The following CCDC3 variants were observed in gnomAD, a reference collection of about 807,000 sequenced individuals.
The protein encoded by CCDC3 is coiled-coil domain-containing protein 3.
Under a neutral mutation model 21.4 loss-of-function variants are expected in CCDC3, and 24 were observed. The ratio of observed to expected loss-of-function variants is 1.12; its 90% confidence interval spans 0.81 to 1.58. CCDC3 has a LOEUF of 1.58. Ranked by LOEUF, CCDC3 falls within the 40% of genes most tolerant of loss-of-function variation. CCDC3 has a pLI of 0.00. For missense variants in CCDC3, 425 were observed against 360.9 expected (o/e 1.18, Z -1.44); for synonymous variants, 186 against 166.0 (o/e 1.12, Z -0.93).
At chr10:13,097,807 G>T (rs1307389739) in intron 3 of CCDC3, among the ~76,000 whole-genome samples, 1 of 152,124 alleles carries the variant, frequency 6.6e-6, no homozygotes, top group Non-Finnish European at 1.5e-5. Flanking sequence ...TCAATAAATG[G>T]GATTTATATC....
intron 2 of CCDC3, among the ~76,000 whole-genome samples, chr10:12,923,487 C>A (rs1834485737): frequency 6.6e-6 from 1 of 152,152 alleles, no homozygotes; most frequent in African/African-American, 2.4e-5. Flanking sequence ...GCTACCTTCA[C>A]AAAGCCAGTC....
At chr10:12,939,240 G>C (rs1276383837) in intron 2 of CCDC3, among the ~76,000 whole-genome samples, 1 of 152,188 alleles carries the variant, frequency 6.6e-6, no homozygotes, top group African/African-American at 2.4e-5. Flanking sequence ...TCTGAGTAAG[G>C]TAAATTCCTA....
chr10:13,002,264 C>T (rs560298416), upstream of CCDC3, among the ~76,000 whole-genome samples: 1 of 152,324 alleles, frequency 6.6e-6, no homozygotes, highest in East Asian at 1.9e-4. Flanking sequence ...TTTCTAAACA[C>T]TGTACACCTG....
chr10:13,067,138 C>T (rs1427415342), intron 4 of CCDC3, among the ~76,000 whole-genome samples: 1 of 152,224 alleles, frequency 6.6e-6, no homozygotes, highest in Admixed American at 6.5e-5. Flanking sequence ...CCCCTCACCC[C>T]AATGGCTGCA....
chr10:12,923,161 G>A (rs1834478522), intron 2 of CCDC3, among the ~76,000 whole-genome samples: 2 of 152,124 alleles, frequency 1.3e-5, no homozygotes, highest in South Asian at 2.1e-4. Flanking sequence ...CCCACCATCT[G>A]GAAGTTTAAT....
At chr10:13,019,288 G>A (rs1004268102) in intron 5 of CCDC3, among the ~76,000 whole-genome samples, 1 of 152,064 alleles carries the variant, frequency 6.6e-6, no homozygotes, top group African/African-American at 2.4e-5. Context: ...GAAGACGTTT[G>A]GCTATTGTTA....
chr10:13,035,047 TAAAAA>T lies in CCDC3; in HGVS notation c.-2+14622_-2+14626del, dbSNP rs879521468. Among the ~76,000 whole-genome samples, 23 of 139,350 alleles carry T rather than the reference TAAAAA, an allele frequency of 1.7e-4. No homozygotes were observed. In the East Asian group the frequency reaches 4.4e-3, roughly 27 times the overall value. The allele number at this position is 139,350 out of a possible 152,430, so 91.4% of individuals were successfully genotyped here. On this transcript the variant is annotated intron_variant, in intron 5 of 6. Coordinates refer to the CCDC3 transcript ENST00000378839. Reference sequence around the variant, plus strand: ...TCTCAAAAAATTAAAAAAAAAAAATTAAAAAAAAAAGAGGAAAAGAAAAACAGGAC... The same window carrying T: ...TCTCAAAAAATTAAAAAAAAAAAATTAAAAAGAGGAAAAGAAAAACAGGAC...
intron 2 of CCDC3, among the ~76,000 whole-genome samples, chr10:12,997,544 C>G (rs927657309): frequency 6.6e-6 from 1 of 152,198 alleles, no homozygotes; most frequent in African/African-American, 2.4e-5. Context: ...CATTTTGCAA[C>G]CACCTTGGCC....
chr10:13,094,339 A>G (rs570452636), intron 3 of CCDC3, among the ~76,000 whole-genome samples: 1 of 151,702 alleles, frequency 6.6e-6, no homozygotes, highest in Non-Finnish European at 1.5e-5. Flanking sequence ...GCTCACTGCA[A>G]CCTCCACCTC....
chr10:13,042,965 TTTAAG>T (rs1295851627), intron 5 of CCDC3, among the ~76,000 whole-genome samples: 2 of 151,774 alleles, frequency 1.3e-5, no homozygotes, highest in African/African-American at 4.8e-5. Flanking sequence ...CTCACACCTA[TTTAAG>T]TTAACATCTC....
chr10:12,904,245 C>T (rs779622992), intron 2 of CCDC3, among the ~76,000 whole-genome samples: 1 of 151,736 alleles, frequency 6.6e-6, no homozygotes, highest in Non-Finnish European at 1.5e-5. Flanking sequence ...GGTGGGAGGA[C>T]TGCGTGAGCC....
intron 2 of CCDC3, among the ~76,000 whole-genome samples, chr10:12,932,477 G>A (rs1266115647): frequency 4.6e-5 from 7 of 152,194 alleles, no homozygotes; most frequent in African/African-American, 1.7e-4. Context: ...ATAAGTTGGA[G>A]ACCATCCATA....
intron 2 of CCDC3, among the ~76,000 whole-genome samples, chr10:12,921,361 G>A (rs892493301): frequency 2.0e-5 from 3 of 152,214 alleles, no homozygotes; most frequent in East Asian, 1.9e-4. Flanking sequence ...GTCTGTGTAC[G>A]TCTGTGGGGA....
intron 2 of CCDC3, chr10:13,098,709 G>GTTTTT (rs1564348313): frequency 5.0e-5 from 3 of 59,502 alleles, no homozygotes; most frequent in East Asian, 1.2e-3. Context: ...TTCCTGCACT[G>GTTTTT]ATTTTTTTTT....
At chr10:13,094,258 GATGATGA>G (rs1832607462) in intron 3 of CCDC3, among the ~76,000 whole-genome samples, 1 of 151,048 alleles carries the variant, frequency 6.6e-6, no homozygotes, top group Non-Finnish European at 1.5e-5. Context: ...TGATGATGAT[GATGATGA>G]TGATGATGAT....
intron 5 of CCDC3, among the ~76,000 whole-genome samples, chr10:13,021,560 T>A (rs1344333254): frequency 6.6e-6 from 1 of 152,182 alleles, no homozygotes; most frequent in Non-Finnish European, 1.5e-5. Context: ...AGGTCTCTTT[T>A]CTCCTTTCCA....
At chr10:12,998,875 T>C (rs947880949) in intron 1 of CCDC3, among the ~76,000 whole-genome samples, 1 of 152,216 alleles carries the variant, frequency 6.6e-6, no homozygotes, top group Non-Finnish European at 1.5e-5. Flanking sequence ...CTGTCTTTGC[T>C]ATTTATCTTC....
chr10:12,950,505 G>A (rs1197670094), intron 2 of CCDC3, among the ~76,000 whole-genome samples: 1 of 152,164 alleles, frequency 6.6e-6, no homozygotes, highest in African/African-American at 2.4e-5. Context: ...TTAAGACTGA[G>A]ATCAGTTCAG....
At chr10:12,993,362 C>T (rs181206132) in intron 2 of CCDC3, among the ~76,000 whole-genome samples, 8 of 152,140 alleles carry the variant, frequency 5.3e-5, no homozygotes, top group Non-Finnish European at 8.8e-5. Context: ...ATGGCAGAGC[C>T]GATCAAGGTC....
Sources: allele counts gnomAD v4.1 joint callset (sites outside exome capture counted in the v4.1 genomes callset), GRCh38; gene constraint gnomAD v4.1.1; transcripts MANE v1.5; gene names NCBI Gene and HGNC (gene_info 2026-07-23, HGNC 2026-07-21).